Variants in EXOC6 observed in about 807,000 individuals in gnomAD.
The protein encoded by EXOC6 is exocyst complex component 6, also known as SEC15-like 1.
EXOC6 carries 60 observed loss-of-function variants against 112.5 expected under a neutral mutation model. The observed-to-expected ratio is 0.53, with a 90% CI of 0.43 to 0.66. EXOC6 has a LOEUF of 0.66. EXOC6 is among the 30% of genes least tolerant of loss of function. The pLI, the probability that EXOC6 is intolerant of heterozygous loss-of-function variation, is 0.00. For missense variants in EXOC6, 855 were observed against 957.1 expected, an observed-to-expected ratio of 0.89 and a Z score of 1.41; for synonymous variants, 295 against 308.0, an observed-to-expected ratio of 0.96 and a Z score of 0.44.
intron 12 of EXOC6, among the ~76,000 whole-genome samples, chr10:92,940,258 G>C (rs73317333): frequency 6.6e-6 from 1 of 152,114 alleles, no homozygotes; most frequent in Non-Finnish European, 1.5e-5. Context: ...AATAAAATTC[G>C]GAAGTGTGAA....
At chr10:92,996,258 A>T (rs1843476580) in intron 18 of EXOC6, among the ~76,000 whole-genome samples, 2 of 152,212 alleles carry the variant, frequency 1.3e-5, no homozygotes. Flanking sequence ...CATGATTGTC[A>T]GTTGAAGGTA....
At chr10:92,845,480 G>A (rs1216982562), upstream of EXOC6, among the ~76,000 whole-genome samples, 1 of 150,344 alleles carries the variant, frequency 6.7e-6, no homozygotes, top group African/African-American at 2.5e-5. Context: ...TTGAAAGCGG[G>A]AGGCAGAGGT....
At chr10:92,882,232 C>T (rs1187099764) in intron 1 of EXOC6, among the ~76,000 whole-genome samples, 1 of 151,952 alleles carries the variant, frequency 6.6e-6, no homozygotes, top group African/African-American at 2.4e-5. Flanking sequence ...TTTGAGCAAA[C>T]CTTTTGTGCA....
At chr10:92,841,520 A>G (rs1846850857) in intron 1 of EXOC6, among the ~76,000 whole-genome samples, 1 of 152,204 alleles carries the variant, frequency 6.6e-6, no homozygotes, top group Non-Finnish European at 1.5e-5. Context: ...GTTCAGAAAT[A>G]AATTTGGGCC....
intron 20 of EXOC6, among the ~76,000 whole-genome samples, chr10:93,054,545 T>C (rs1325768628): frequency 6.6e-6 from 1 of 152,250 alleles, no homozygotes; most frequent in Non-Finnish European, 1.5e-5. Context: ...GATTTGCACA[T>C]AAGAGATTTG....
chr10:93,040,482 C>A (rs539071432), intron 20 of EXOC6, among the ~76,000 whole-genome samples: 260 of 152,260 alleles, frequency 1.7e-3, no homozygotes, highest in African/African-American at 5.9e-3. Flanking sequence ...CTCCTGACCT[C>A]GTGATCCACC....
intron 1 of EXOC6, among the ~76,000 whole-genome samples, chr10:92,892,414 G>A (rs1849553588): frequency 6.6e-6 from 1 of 152,176 alleles, no homozygotes; most frequent in Non-Finnish European, 1.5e-5. Context: ...GCTCATCCAA[G>A]CTTTGATATC....
At chr10:92,900,877 A>C (rs917569654) in intron 5 of EXOC6, 1 of 152,084 alleles carries the variant, frequency 6.6e-6, no homozygotes, top group African/African-American at 2.4e-5. Flanking sequence ...CATTTTCTCA[A>C]CTATCCCCAA....
intron 8 of EXOC6, among the ~76,000 whole-genome samples, chr10:92,926,061 A>AC (rs953181336): frequency 3.6e-4 from 55 of 151,826 alleles, no homozygotes; most frequent in African/African-American, 1.2e-3. Context: ...TTAAAAAAAA[A>AC]AAAAAACAAA....
intron 4 of EXOC6, among the ~76,000 whole-genome samples, chr10:92,896,109 G>GTGTATATATT (rs1849759217): frequency 1.7e-5 from 1 of 59,402 alleles, no homozygotes. Context: ...GTATATATAT[G>GTGTATATATT]TGTATATATA....
intron 18 of EXOC6, among the ~76,000 whole-genome samples, chr10:92,975,188 C>A (rs1325682041): frequency 6.6e-6 from 1 of 151,026 alleles, no homozygotes; most frequent in East Asian, 2.0e-4. Flanking sequence ...CGCCCATCGT[C>A]TGAGATGTGG....
At chr10:92,933,508 A>T (rs1221501400) in intron 9 of EXOC6, among the ~76,000 whole-genome samples, 2 of 152,286 alleles carry the variant, frequency 1.3e-5, no homozygotes, top group East Asian at 3.9e-4. Flanking sequence ...CGTATTAATA[A>T]TTCTTCCCCC....
intron 17 of EXOC6, among the ~76,000 whole-genome samples, chr10:92,972,448 A>G (rs1842339316): frequency 6.6e-6 from 1 of 152,166 alleles, no homozygotes; most frequent in Non-Finnish European, 1.5e-5. Context: ...TATCTTTATG[A>G]ATTTCTTTAA....
At chr10:93,053,523 C>T (rs1354443466) in intron 20 of EXOC6, among the ~76,000 whole-genome samples, 1 of 152,216 alleles carries the variant, frequency 6.6e-6, no homozygotes, top group East Asian at 1.9e-4. Flanking sequence ...ATGATGGAGT[C>T]TCTCCTCTTT....
intron 18 of EXOC6, among the ~76,000 whole-genome samples, chr10:92,981,083 C>T (rs1842809155): frequency 6.6e-6 from 1 of 152,158 alleles, no homozygotes; most frequent in Non-Finnish European, 1.5e-5. Context: ...TCTTGAGGTT[C>T]TCTTTTTCTA....
intron 19 of EXOC6, among the ~76,000 whole-genome samples, chr10:93,001,228 G>A (rs2134192013): frequency 6.6e-6 from 1 of 152,250 alleles, no homozygotes; most frequent in African/African-American, 2.4e-5. Flanking sequence ...TTCAGATGGG[G>A]AATCCTAGAA....
chr10:93,011,993 A>G (rs936375154), intron 19 of EXOC6, among the ~76,000 whole-genome samples: 6 of 152,218 alleles, frequency 3.9e-5, no homozygotes, highest in African/African-American at 1.4e-4. Context: ...GGGGTCTGAG[A>G]ATGGTGAATT....
At chr10:93,012,793 G>A (rs1202121327) in intron 19 of EXOC6, among the ~76,000 whole-genome samples, 1 of 152,080 alleles carries the variant, frequency 6.6e-6, no homozygotes, top group Non-Finnish European at 1.5e-5. Context: ...CACTTTGGGA[G>A]GCCAAGACAG....
intron 4 of EXOC6, among the ~76,000 whole-genome samples, chr10:92,895,727 TCTCA>T (rs1179498941): frequency 2.0e-5 from 3 of 151,542 alleles, no homozygotes; most frequent in Non-Finnish European, 4.4e-5. Flanking sequence ...AGGGATAAAG[TCTCA>T]CTCTGTTGCC....
Sources: gnomAD v4.1 joint callset for allele counts (sites outside exome capture counted in the v4.1 genomes callset) on GRCh38, gnomAD v4.1.1 for gene constraint, MANE v1.5 for transcripts, NCBI Gene and HGNC (gene_info 2026-07-23, HGNC 2026-07-21) for gene names.